CALN1: variants seen among roughly 807,000 people sequenced by gnomAD.
The protein encoded by CALN1 is calcium-binding protein 8.
CALN1 carries 17 observed loss-of-function variants against 30.6 expected under a neutral mutation model. The ratio of observed to expected loss-of-function variants is 0.56; its 90% CI spans 0.38 to 0.83. The LOEUF (loss-of-function observed/expected upper bound fraction) is 0.83, where lower values mean the gene tolerates loss of function less well. CALN1 is among the 40% of genes least tolerant of loss of function. CALN1 has a pLI of 0.00. For missense variants in CALN1, 291 were observed against 354.9 expected, an observed-to-expected ratio of 0.82 and a Z score of 1.45; for synonymous variants, 156 against 131.4, an observed-to-expected ratio of 1.19 and a Z score of -1.28.
At chr7:72,302,487 T>G (rs1472218530) in intron 2 of CALN1, among the ~76,000 whole-genome samples, 1 of 152,130 alleles carries the variant, frequency 6.6e-6, no homozygotes, top group African/African-American at 2.4e-5. Context: ...AGACAGAGGC[T>G]TAGAAAGTTT....
At chr7:72,343,630 A>T (rs1203838233) in intron 2 of CALN1, among the ~76,000 whole-genome samples, 1 of 152,214 alleles carries the variant, frequency 6.6e-6, no homozygotes, top group African/African-American at 2.4e-5. Flanking sequence ...CAAGTGGAAA[A>T]ACAGAAAATG....
chr7:72,225,150 T>G lies in CALN1; in HGVS notation c.244+53536A>C, dbSNP rs138339657. Among the ~76,000 whole-genome samples, 853 of 151,472 alleles carry G rather than the reference T, an allele frequency of 5.6e-3. 8 individuals carry two copies. Among genetic ancestry groups the G allele is most frequent in the African/African-American group, 0.018 (749 of 41,320 alleles). Reference sequence around the variant, plus strand: ...CAGCATTTTCCCTGCACTTGGTCTCTCATAGGCCCAATGTGGTGCTTCACA... The same window carrying G: ...CAGCATTTTCCCTGCACTTGGTCTCGCATAGGCCCAATGTGGTGCTTCACA... On this transcript the variant is annotated intron_variant, in intron 3 of 6. Transcript: ENST00000395275.
intron 3 of CALN1, among the ~76,000 whole-genome samples, chr7:72,142,490 G>A (rs1035711294): frequency 6.6e-6 from 1 of 152,194 alleles, no homozygotes; most frequent in Non-Finnish European, 1.5e-5. Flanking sequence ...GAACTGGGTG[G>A]ATCCCACTGC....
intron 3 of CALN1, among the ~76,000 whole-genome samples, chr7:72,191,803 T>C (rs1271767700): frequency 6.6e-6 from 1 of 152,108 alleles, no homozygotes; most frequent in Non-Finnish European, 1.5e-5. Flanking sequence ...ATTATCTGGC[T>C]TTTCTAGAAG....
chr7:72,171,167 C>CA (rs1024286865), intron 3 of CALN1, among the ~76,000 whole-genome samples: 13 of 151,284 alleles, frequency 8.6e-5, no homozygotes, highest in African/African-American at 2.9e-4. Flanking sequence ...CAAAACAAAA[C>CA]AAAAAAAAGA....
At chr7:72,116,290 T>G (rs1807979568) in intron 3 of CALN1, among the ~76,000 whole-genome samples, 2 of 152,170 alleles carry the variant, frequency 1.3e-5, no homozygotes, top group Non-Finnish European at 2.9e-5. Flanking sequence ...TCACAAAGCA[T>G]TTTAGGCAGT....
intron 4 of CALN1, among the ~76,000 whole-genome samples, chr7:72,045,751 A>C (rs181743398): frequency 2.6e-5 from 4 of 152,148 alleles, no homozygotes; most frequent in Admixed American, 2.6e-4. Flanking sequence ...TGTAATCCCA[A>C]CACTTTGGGA....
intron 1 of CALN1, among the ~76,000 whole-genome samples, chr7:72,440,922 AT>A (rs1262287669): frequency 2.6e-5 from 4 of 152,178 alleles, no homozygotes; most frequent in African/African-American, 9.6e-5. Context: ...TCTAAATTGT[AT>A]TTTAGAATAC....
intron 5 of CALN1, among the ~76,000 whole-genome samples, chr7:71,990,278 T>C (rs186079720): frequency 1.8e-3 from 281 of 152,258 alleles, no homozygotes; most frequent in Middle Eastern, 0.01. Flanking sequence ...ACAAATGCCA[T>C]GGCAATGTCA....
chr7:71,973,467 T>C (rs977022109), intron 5 of CALN1, among the ~76,000 whole-genome samples: 2 of 152,184 alleles, frequency 1.3e-5, no homozygotes, highest in Admixed American at 6.5e-5. Context: ...TGAGCCACCT[T>C]GCCCAGCCTG....
chr7:72,194,374 T>C (rs1790836707), intron 3 of CALN1, among the ~76,000 whole-genome samples: 1 of 151,842 alleles, frequency 6.6e-6, no homozygotes, highest in South Asian at 2.1e-4. Flanking sequence ...CTACTAAAAA[T>C]ACAAAATTAG....
At chr7:71,810,863 T>C (rs969606229) in intron 5 of CALN1, among the ~76,000 whole-genome samples, 3 of 151,780 alleles carry the variant, frequency 2.0e-5, no homozygotes, top group African/African-American at 7.2e-5. Flanking sequence ...TTACCAACAC[T>C]CTGGCAATTC....
chr7:71,790,373 AAAG>A (rs1486625519), intron 6 of CALN1, among the ~76,000 whole-genome samples: 541 of 25,734 alleles, frequency 0.021, 2 homozygotes, highest in Non-Finnish European at 0.037. Flanking sequence ...GAAAGAAAAG[AAAG>A]AAAGAAAGAA....
chr7:72,470,416 T>C, the CALN1 span, among the ~76,000 whole-genome samples: 1 of 152,110 alleles, frequency 6.6e-6, no homozygotes, highest in Admixed American at 6.6e-5. Flanking sequence ...CCCCCAGTAA[T>C]GTACGTCTGG....
intron 3 of CALN1, among the ~76,000 whole-genome samples, chr7:72,211,112 T>A (rs1278223425): frequency 1.3e-5 from 2 of 151,966 alleles, no homozygotes; most frequent in Admixed American, 6.6e-5. Flanking sequence ...CCTAATGAAA[T>A]CATTCAAAGG....
At chr7:72,037,419 G>A (rs1367084583) in intron 4 of CALN1, among the ~76,000 whole-genome samples, 1 of 152,012 alleles carries the variant, frequency 6.6e-6, no homozygotes, top group Admixed American at 6.6e-5. Flanking sequence ...CAAAGTGCTG[G>A]GATTACAGGC....
chr7:72,366,828 A>AC (rs1803904293), intron 2 of CALN1, among the ~76,000 whole-genome samples: 1 of 101,734 alleles, frequency 9.8e-6, no homozygotes, highest in Admixed American at 1.1e-4. Context: ...GATATAACCA[A>AC]CAAAAAAAAA....
At chr7:72,404,169 T>G (rs1348310068) in intron 1 of CALN1, among the ~76,000 whole-genome samples, 3 of 152,124 alleles carry the variant, frequency 2.0e-5, no homozygotes, top group Admixed American at 2.0e-4. Context: ...CCTGGCCCTC[T>G]CCCTTGGTTG....
At chr7:72,036,456 G>A (rs1214162445) in intron 4 of CALN1, among the ~76,000 whole-genome samples, 1 of 151,996 alleles carries the variant, frequency 6.6e-6, no homozygotes, top group Non-Finnish European at 1.5e-5. Context: ...CTTCCTCTGG[G>A]ACTCCCACAA....
Sources: gnomAD v4.1 joint callset for allele counts (sites outside exome capture counted in the v4.1 genomes callset) on GRCh38, gnomAD v4.1.1 for gene constraint, MANE v1.5 for transcripts, NCBI Gene and HGNC (gene_info 2026-07-23, HGNC 2026-07-21) for gene names.